Variants in CRTAC1 observed in about 807,000 individuals in gnomAD.
CRTAC1 encodes acidic secreted protein in cartilage.
Under a neutral mutation model 67.8 loss-of-function variants are expected in CRTAC1, and 37 were observed. The ratio of observed to expected loss-of-function variants is 0.55; its 90% CI spans 0.42 to 0.72. The LOEUF is 0.72. CRTAC1 is among the 30% of genes least tolerant of loss of function. The pLI is 0.00. For synonymous variants in CRTAC1, 348 were observed against 371.0 expected (o/e 0.94, Z 0.71); for missense variants, 780 against 931.6 (o/e 0.84, Z 2.12).
intron 13 of CRTAC1, among the ~76,000 whole-genome samples, chr10:97,882,378 C>T (rs1472166295): frequency 6.6e-6 from 1 of 152,228 alleles, no homozygotes; most frequent in Non-Finnish European, 1.5e-5. Flanking sequence ...TGACCACACT[C>T]CATACACTAT....
chr10:97,953,158 T>C (rs889516937), intron 2 of CRTAC1, among the ~76,000 whole-genome samples: 2 of 152,150 alleles, frequency 1.3e-5, no homozygotes, highest in African/African-American at 2.4e-5. Flanking sequence ...GTTGGCCCAT[T>C]CCTCTGCAGC....
rs145632263 is a variant in CRTAC1 at position 97,895,966 on chromosome 10, G to A, written c.1236C>T (p.Phe412=). The A allele has an allele frequency of 6.9e-5, 112 of 1,613,944 alleles. No individual in the cohort carries two copies. The highest frequency in any genetic ancestry group is 4.9e-4 in the Middle Eastern group (3 of 6,084). ...GRGTGGVVTD[F]DGDGMLDLIL... ...TGAGGTCCAGCATCCCGTCTCCGTC[G>A]AAGTCGGTCACCACACCCCCTACAA... Residue 412 remains phenylalanine (F), a synonymous_variant, in exon 10 of 15, where the codon TTC becomes TTT. Transcript: ENST00000370597. The surrounding 1 kb of genome is among the most constrained non-coding windows in gnomAD (Gnocchi z 4.2).
chr10:98,030,293 A>AAG lies in CRTAC1; in HGVS notation c.24+155_24+156insCT, dbSNP rs1843344301. Among the ~76,000 whole-genome samples the AAG allele has an allele frequency of 6.6e-6, 1 of 151,956 alleles. No homozygotes were observed. The highest frequency in any genetic ancestry group is 1.5e-5 in the Non-Finnish European group (1 of 67,940). On this transcript the variant is annotated intron_variant, in intron 1 of 14. Transcript: ENST00000370597. The surrounding 1 kb of genome is among the most constrained non-coding windows in gnomAD (Gnocchi z 4.2). ...GCGCCAATCGAGTCCAGCGCCTCCC[A>AAG]GCAAGTTAGGAGCGAAGCCGCCGCC...
At chr10:97,881,971 A>G (rs956338879) in intron 13 of CRTAC1, among the ~76,000 whole-genome samples, 3 of 151,834 alleles carry the variant, frequency 2.0e-5, no homozygotes, top group Admixed American at 6.6e-5. Flanking sequence ...GCCCTCCCCC[A>G]TCTGGGCCCT....
chr10:97,902,853 C>T (rs1428891113), intron 7 of CRTAC1, among the ~76,000 whole-genome samples: 2 of 151,556 alleles, frequency 1.3e-5, no homozygotes, highest in Non-Finnish European at 2.9e-5. Context: ...AGGCTGTCTC[C>T]ATCAGAGGAG....
chr10:97,967,913 C>T (rs552791488), intron 2 of CRTAC1, among the ~76,000 whole-genome samples: 1 of 152,292 alleles, frequency 6.6e-6, no homozygotes, highest in East Asian at 1.9e-4. Flanking sequence ...ATCCAAGGTA[C>T]ACATGGCTTC....
chr10:97,897,580 C>T (rs2050479514), intron 8 of CRTAC1, among the ~76,000 whole-genome samples: 1 of 152,212 alleles, frequency 6.6e-6, no homozygotes, highest in Non-Finnish European at 1.5e-5. Context: ...CAGAAAGCTC[C>T]AAGCACATGT....
intron 2 of CRTAC1, among the ~76,000 whole-genome samples, chr10:97,969,678 C>A (rs1227713469): frequency 6.6e-6 from 1 of 152,170 alleles, no homozygotes; most frequent in Non-Finnish European, 1.5e-5. Context: ...GACGACCCCA[C>A]AGAGCCATTG....
At chr10:97,997,260 AATAATAAT>A (rs1564928502) in intron 2 of CRTAC1, among the ~76,000 whole-genome samples, 8 of 144,114 alleles carry the variant, frequency 5.6e-5, no homozygotes, top group African/African-American at 1.8e-4. Context: ...TAATAATAAT[AATAATAAT>A]AAATAAAATA....
rs116881976 is a variant in CRTAC1, at chr10:97,899,846, T to C, written c.1133+1657A>G. Among the ~76,000 whole-genome samples, 76 of 152,330 alleles carry C rather than the reference T, an allele frequency of 5.0e-4. 2 individuals carry two copies. The East Asian group carries it at 0.014, about 28-fold the overall frequency. ...CCTGGCACACCCTCCTTTCCCCACCTGGTCCTGAGCCCCATTGGAATGTTT... is the reference window on the plus strand; with the variant it reads ...CCTGGCACACCCTCCTTTCCCCACCCGGTCCTGAGCCCCATTGGAATGTTT... On this transcript the variant is annotated intron_variant, in intron 8 of 14. Transcript: ENST00000370597.
intron 2 of CRTAC1, among the ~76,000 whole-genome samples, chr10:97,996,566 T>C (rs1842574533): frequency 6.6e-6 from 1 of 152,088 alleles, no homozygotes. Context: ...ATGGCAATCA[T>C]TAAAAAGTCA....
intron 11 of CRTAC1, among the ~76,000 whole-genome samples, chr10:97,891,577 C>T (rs907817653): frequency 9.9e-5 from 15 of 152,234 alleles, no homozygotes; most frequent in Admixed American, 3.9e-4. Flanking sequence ...TGCCTTCCTC[C>T]GCCCACTGCC....
intron 11 of CRTAC1, 56 bp from the exon 12 acceptor site, chr10:97,884,407 G>A (rs995733067): frequency 1.5e-5 from 22 of 1,450,576 alleles, no homozygotes; most frequent in Admixed American, 1.0e-4. Flanking sequence ...GGCTCTCAGC[G>A]GAAGCATCAG....
rs187273155 is a variant in CRTAC1 at position 98,019,076 on chromosome 10, G to T, written c.25-7739C>A. ...CAGAGAGATGTAAGTTAGCTGGGGG[G>T]GGAGCTGGGAAGTGCTTCCTAGAGG... is the stretch of plus-strand genomic sequence containing the variant. On this transcript the variant is annotated intron_variant, in intron 1 of 14. Transcript: ENST00000370597. 5.9e-5 allele frequency among the ~76,000 whole-genome samples: 9 copies of T among 152,248 alleles called. No individual in the cohort carries two copies. In the South Asian group the frequency reaches 1.5e-3, roughly 25 times the overall value.
chr10:97,968,589 G>A (rs57375612), intron 2 of CRTAC1, among the ~76,000 whole-genome samples: 1,965 of 152,230 alleles, frequency 0.013, 49 homozygotes, highest in African/African-American at 0.044. Context: ...CGGGGTAAAT[G>A]GGGCAGGCCA....
chr10:97,994,729 T>C (rs537553337), intron 2 of CRTAC1, among the ~76,000 whole-genome samples: 23 of 152,326 alleles, frequency 1.5e-4, no homozygotes, highest in African/African-American at 5.1e-4. Flanking sequence ...CAGATCAAGA[T>C]ACTGATTAGA....
intron 2 of CRTAC1, among the ~76,000 whole-genome samples, chr10:97,942,016 G>A (rs895752695): frequency 2.0e-4 from 30 of 152,052 alleles, no homozygotes; most frequent in African/African-American, 6.8e-4. Flanking sequence ...TTGCAGAATT[G>A]CTCCCACCAC....
chr10:97,917,682 G>A, intron 4 of CRTAC1, 26 bp from the exon 5 acceptor site: 1 of 1,511,130 alleles, frequency 6.6e-7, no homozygotes, highest in Non-Finnish European at 8.9e-7. Flanking sequence ...AGGGAGAGGT[G>A]AGCAGGGCCA....
intron 4 of CRTAC1, among the ~76,000 whole-genome samples, chr10:97,922,554 C>A (rs2050855773): frequency 6.6e-6 from 1 of 152,198 alleles, no homozygotes. Flanking sequence ...GATAAATCAC[C>A]TTTGCAGCAA....
Sources: allele counts gnomAD v4.1 joint callset (sites outside exome capture counted in the v4.1 genomes callset), GRCh38; gene constraint gnomAD v4.1.1; non-coding constraint Gnocchi (gnomAD v3.1); transcripts MANE v1.5; gene names NCBI Gene and HGNC (gene_info 2026-07-23, HGNC 2026-07-21).